The following TBC1D32 variants were observed in gnomAD, a reference collection of about 807,000 sequenced individuals.
TBC1D32 encodes protein broad-minded.
In TBC1D32, 151 loss-of-function variants were observed where a neutral mutation model predicts 170.3. The observed-to-expected ratio is 0.89, with a 90% confidence interval of 0.78 to 1.01. The LOEUF is 1.01. TBC1D32 is among the 50% of genes least tolerant of loss of function. The pLI is 0.00. For synonymous variants in TBC1D32, 498 were observed against 488.0 expected (o/e 1.02, Z -0.27); for missense variants, 1,464 against 1,457.1 (o/e 1.00, Z -0.08).
At chr6:121,188,182 G>A (rs751370873) in intron 22 of TBC1D32, among the ~76,000 whole-genome samples, 1 of 152,076 alleles carries the variant, frequency 6.6e-6, no homozygotes, top group Non-Finnish European at 1.5e-5. Flanking sequence ...CTGAAATTGA[G>A]TGACTCAAAT....
intron 15 of TBC1D32, among the ~76,000 whole-genome samples, chr6:121,276,119 C>CAA (rs61692987): frequency 1.1e-4 from 10 of 87,676 alleles, no homozygotes; most frequent in Non-Finnish European, 2.8e-4. Flanking sequence ...GACCTTGTCT[C>CAA]AAAAAAAAAA....
Position 121,304,752 on chromosome 6 carries a change from T to C in TBC1D32, c.769+3A>G. 1 of 1,593,366 alleles carries C rather than the reference T, an allele frequency of 6.3e-7. No individual in the cohort carries two copies. On this transcript the variant is annotated splice_donor_region_variant and intron_variant, in intron 6 of 31. Transcript: ENST00000398212. ...ACATTTTTAAATGTTTTCACAAACA[T>C]ACCTAAGCTTGTATAAATTTCCTTG...
At chr6:121,175,543 A>T (rs1010301514) in intron 22 of TBC1D32, among the ~76,000 whole-genome samples, 1 of 152,250 alleles carries the variant, frequency 6.6e-6, no homozygotes, top group Non-Finnish European at 1.5e-5. Context: ...ATATTAAAGT[A>T]TCTCCTGATG....
At chr6:121,179,356 G>A (rs1206260126) in intron 22 of TBC1D32, among the ~76,000 whole-genome samples, 3 of 149,210 alleles carry the variant, frequency 2.0e-5, no homozygotes, top group Admixed American at 6.7e-5. Flanking sequence ...AAAAAAAAAA[G>A]TACCAAAAAT....
chr6:121,169,216 C>A lies in TBC1D32; in HGVS notation c.2571-8160G>T, dbSNP rs148469428. Reference sequence around the variant, plus strand: ...AAATAGCATGGTACTGGTACAAGAACAGACACATAGACCAATGGAACAGAA... The same window carrying A: ...AAATAGCATGGTACTGGTACAAGAAAAGACACATAGACCAATGGAACAGAA... On this transcript the variant is annotated intron_variant, in intron 22 of 31. Transcript: ENST00000398212. Among the ~76,000 whole-genome samples, 1,038 of 152,220 alleles carry A rather than the reference C, an allele frequency of 6.8e-3. 8 individuals carry two copies. The highest frequency in any genetic ancestry group is 0.01 in the Non-Finnish European group (694 of 68,004).
At chr6:121,263,603 A>G (rs1367722281) in intron 15 of TBC1D32, among the ~76,000 whole-genome samples, 1 of 152,186 alleles carries the variant, frequency 6.6e-6, no homozygotes, top group Non-Finnish European at 1.5e-5. Context: ...GACCTAATAG[A>G]TATCTACAGA....
intron 22 of TBC1D32, among the ~76,000 whole-genome samples, chr6:121,178,303 C>G (rs990341729): frequency 3.3e-5 from 5 of 152,044 alleles, no homozygotes; most frequent in Non-Finnish European, 1.5e-5. Context: ...TGTGATGACT[C>G]TGGATTTTGT....
chr6:121,324,644 T>C (rs1012863046), intron 1 of TBC1D32, among the ~76,000 whole-genome samples: 7 of 152,250 alleles, frequency 4.6e-5, no homozygotes, highest in Admixed American at 6.5e-5. Flanking sequence ...CATTGCCTTA[T>C]ATTATTTGAA....
chr6:121,269,827 T>C (rs199758371), intron 15 of TBC1D32, among the ~76,000 whole-genome samples: 2 of 152,194 alleles, frequency 1.3e-5, no homozygotes, highest in East Asian at 1.9e-4. Context: ...CAGCACCACA[T>C]TGCACTTATT....
chr6:121,212,568 C>A (rs1423795662), intron 21 of TBC1D32, among the ~76,000 whole-genome samples: 1 of 151,496 alleles, frequency 6.6e-6, no homozygotes, highest in African/African-American at 2.4e-5. Flanking sequence ...AATTCTCCTG[C>A]CTCAGCATCC....
At chr6:121,251,214 TA>T (rs979387464) in intron 17 of TBC1D32, among the ~76,000 whole-genome samples, 7 of 151,020 alleles carry the variant, frequency 4.6e-5, no homozygotes, top group East Asian at 3.9e-4. Flanking sequence ...CTCATAGAAT[TA>T]AAAAAAAACT....
chr6:121,270,461 C>T (rs1476089003), intron 15 of TBC1D32, among the ~76,000 whole-genome samples: 1 of 151,992 alleles, frequency 6.6e-6, no homozygotes, highest in African/African-American at 2.4e-5. Flanking sequence ...TACAAACTAC[C>T]ATCAGAGAAT....
At chr6:121,326,141 T>A (rs950341817) in intron 1 of TBC1D32, among the ~76,000 whole-genome samples, 1 of 152,152 alleles carries the variant, frequency 6.6e-6, no homozygotes, top group Non-Finnish European at 1.5e-5. Context: ...TATCTGTAAT[T>A]GAGGCCGTGA....
At chr6:121,285,587 C>T (rs919459624) in intron 12 of TBC1D32, among the ~76,000 whole-genome samples, 1 of 152,076 alleles carries the variant, frequency 6.6e-6, no homozygotes, top group African/African-American at 2.4e-5. Flanking sequence ...CCAGCGTGAG[C>T]GACGCAGAAG....
chr6:121,174,087 G>A (rs1366691065), intron 22 of TBC1D32, among the ~76,000 whole-genome samples: 1 of 151,936 alleles, frequency 6.6e-6, no homozygotes, highest in African/African-American at 2.4e-5. Context: ...GGGAAGAAAT[G>A]GCAACCAGAA....
In TBC1D32 at chr6:121,079,862, A is replaced by C. The variant is rs993721576; in HGVS notation, c.*909T>G. ...GAATGCTTATCAGTATGAAATAACC[A>C]ATCTATCTCTTCAATGAACCATGTA... On this transcript the variant is annotated 3_prime_UTR_variant, in exon 32 of 32. Coordinates refer to ENST00000398212, the MANE Select transcript of TBC1D32 (RefSeq NM_152730.6). 1 of 152,178 alleles carries C rather than the reference A, an allele frequency of 6.6e-6. No individual in the cohort carries two copies. The highest frequency in any genetic ancestry group is 1.5e-5 in the Non-Finnish European group (1 of 68,010). 9.4% of individuals were successfully genotyped at this position (152,178 alleles called of 1,614,324 possible). A position where few individuals can be genotyped will look rare whatever the true frequency, so the allele number is the denominator to read the frequency against.
intron 24 of TBC1D32, among the ~76,000 whole-genome samples, chr6:121,139,097 C>A (rs543619156): frequency 6.6e-6 from 1 of 152,246 alleles, no homozygotes; most frequent in East Asian, 1.9e-4. Context: ...CCGCCCGCCT[C>A]GGCCTCCCAA....
At chr6:121,296,405 G>C (rs746687371) in intron 10 of TBC1D32, among the ~76,000 whole-genome samples, 5 of 152,024 alleles carry the variant, frequency 3.3e-5, no homozygotes, top group African/African-American at 1.2e-4. Flanking sequence ...CAAACGTCAG[G>C]GATCCAGACC....
At chr6:121,221,108 C>G (rs965748513) in intron 21 of TBC1D32, among the ~76,000 whole-genome samples, 1 of 152,170 alleles carries the variant, frequency 6.6e-6, no homozygotes, top group Non-Finnish European at 1.5e-5. Context: ...GAAGCCAATG[C>G]TCATTTACCA....
Sources: allele counts gnomAD v4.1 joint callset (sites outside exome capture counted in the v4.1 genomes callset), GRCh38; gene constraint gnomAD v4.1.1; transcripts MANE v1.5; gene names NCBI Gene and HGNC (gene_info 2026-07-23, HGNC 2026-07-21).